Variants in TRPM2 observed in about 807,000 individuals in gnomAD.
The protein encoded by TRPM2 is estrogen-responsive element-associated gene 1 protein.
TRPM2 carries 161 observed loss-of-function variants against 174.0 expected under a neutral mutation model. The ratio of observed to expected loss-of-function variants is 0.93; its 90% confidence interval spans 0.81 to 1.05. The LOEUF is 1.05. Among genes scored for constraint, TRPM2 ranks in the 50% least tolerant of loss-of-function variants. The probability of loss-of-function intolerance (pLI) is 0.00; values close to 1 mark genes in which losing one functional copy is unlikely to be tolerated. For missense variants in TRPM2, 2,057 were observed against 2,038.0 expected (o/e 1.01, Z -0.18); for synonymous variants, 954 against 861.3 (o/e 1.11, Z -1.88).
At chr21:44,407,450 GTTTTTTTT>G (rs71197896) in intron 19 of TRPM2, among the ~76,000 whole-genome samples, 2 of 85,850 alleles carry the variant, frequency 2.3e-5, no homozygotes, top group African/African-American at 4.8e-5. Context: ...CATATAGAAG[GTTTTTTTT>G]TTTTTTTTTT....
At chr21:44,408,276 G>A (rs1269719884) in intron 19 of TRPM2, among the ~76,000 whole-genome samples, 1 of 152,002 alleles carries the variant, frequency 6.6e-6, no homozygotes, top group African/African-American at 2.4e-5. Flanking sequence ...TGTGAATAAC[G>A]TAGCATGAAC....
rs756230239 is a variant in TRPM2 at position 44,390,902 on chromosome 21, A to C, written c.1319-2A>C. On this transcript the variant is annotated splice_acceptor_variant, in intron 9 of 31. Coordinates refer to ENST00000397928, the MANE Select transcript of TRPM2 (RefSeq NM_003307.4). LOFTEE classifies it high-confidence loss of function. ...GCCCAATATGCACCTGTTCATCTGCAGCCTCACGGAGCCAAGACCACTTTG... is the reference window on the plus strand; with the variant it reads ...GCCCAATATGCACCTGTTCATCTGCCGCCTCACGGAGCCAAGACCACTTTG... 6.2e-7 allele frequency: 1 copy of C among 1,614,076 alleles called. No homozygotes were observed. Among genetic ancestry groups the C allele is most frequent in the African/African-American group, 1.3e-5 (1 of 75,062 alleles).
At chr21:44,426,144 C>G in intron 25 of TRPM2, among the ~76,000 whole-genome samples, 1 of 152,012 alleles carries the variant, frequency 6.6e-6, no homozygotes, top group Admixed American at 6.5e-5. Flanking sequence ...AGGTCATGCC[C>G]TGGTCCTAGA....
At position 44,366,449 on chromosome 21, in the gene TRPM2, C is replaced by T. The variant is rs994404812; in HGVS notation, c.424-305C>T. On this transcript the variant is annotated intron_variant, in intron 3 of 31. Transcript: ENST00000397928. This position sits in a 1 kb window ranked among gnomAD's most constrained non-coding sequence, Gnocchi z 6.0. ...TCTGTGCTGGCGCATGTTTGGGAGG[C>T]GCTCCCAAAATCGAGAGGAAGAGGA... Among the ~76,000 whole-genome samples, 4 of 151,922 alleles carry T rather than the reference C, an allele frequency of 2.6e-5. No individual in the cohort carries two copies. The highest frequency in any genetic ancestry group is 3.4e-3 in the Middle Eastern group (1 of 294).
intron 22 of TRPM2, among the ~76,000 whole-genome samples, chr21:44,422,697 A>C (rs1351863126): frequency 1.3e-5 from 2 of 152,222 alleles, no homozygotes; most frequent in Non-Finnish European, 2.9e-5. Context: ...TTTTAACCAT[A>C]AACACAGCAG....
intron 12 of TRPM2, among the ~76,000 whole-genome samples, chr21:44,396,960 G>A (rs1460061280): frequency 6.6e-6 from 1 of 151,036 alleles, no homozygotes; most frequent in Non-Finnish European, 1.5e-5. Context: ...GCTGTGGAGG[G>A]TTGTGGGCGT....
At chr21:44,359,491 A>G (rs893259299) in intron 2 of TRPM2, among the ~76,000 whole-genome samples, 2 of 151,656 alleles carry the variant, frequency 1.3e-5, no homozygotes, top group Non-Finnish European at 2.9e-5. Context: ...ATCCGAGATC[A>G]CACAGTCAAT....
In TRPM2 at chr21:44,365,419, T is replaced by A. The variant is rs542994859; in HGVS notation, c.423+1137T>A. 2.0e-5 allele frequency among the ~76,000 whole-genome samples: 3 copies of A among 152,312 alleles called. No homozygotes were observed. The East Asian group carries it at 5.8e-4, about 29-fold the overall frequency. ...GGGGCAGGTCCCGGAGACGGGGTCA[T>A]GTGGCCCCAGGCTTCCTGGCTGGCA... On this transcript the variant is annotated intron_variant, in intron 3 of 31. Coordinates refer to ENST00000397928, the MANE Select transcript of TRPM2 (RefSeq NM_003307.4).
chr21:44,422,690 T>C (rs2050595235), intron 22 of TRPM2, among the ~76,000 whole-genome samples: 1 of 152,192 alleles, frequency 6.6e-6, no homozygotes, highest in African/African-American at 2.4e-5. Context: ...AGAGTTATTT[T>C]AACCATAAAC....
At chr21:44,365,647 G>T (rs532931442) in intron 3 of TRPM2, among the ~76,000 whole-genome samples, 1 of 152,292 alleles carries the variant, frequency 6.6e-6, no homozygotes, top group South Asian at 2.1e-4. Flanking sequence ...GTCTGAGCCT[G>T]GGGTCTGGCT....
intron 16 of TRPM2, among the ~76,000 whole-genome samples, chr21:44,403,835 A>G (rs1300524616): frequency 6.6e-6 from 1 of 152,102 alleles, no homozygotes; most frequent in Non-Finnish European, 1.5e-5. Flanking sequence ...ACACATGCAT[A>G]CACACATTAC....
chr21:44,400,944 G>A (rs2049597022), intron 15 of TRPM2, among the ~76,000 whole-genome samples: 2 of 152,146 alleles, frequency 1.3e-5, no homozygotes, highest in Admixed American at 1.3e-4. Context: ...GGGTCTCCTG[G>A]GAGTCAGGGC....
intron 9 of TRPM2, 59 bp downstream of exon 9, chr21:44,382,879 C>A: frequency 6.8e-7 from 1 of 1,462,082 alleles, no homozygotes; most frequent in Non-Finnish European, 9.4e-7. Flanking sequence ...GCTCTGAGGA[C>A]GCCAAGTTCT....
intron 19 of TRPM2, among the ~76,000 whole-genome samples, chr21:44,409,170 T>A (rs2146311958): frequency 1.3e-5 from 2 of 152,320 alleles, no homozygotes; most frequent in Middle Eastern, 6.8e-3. Context: ...AACTTATCAA[T>A]CTCTTTGATC....
In TRPM2 at chr21:44,369,351, C is replaced by A. The variant is rs199676109; in HGVS notation, c.771+8C>A. On this transcript the variant is annotated splice_region_variant and intron_variant, in intron 5 of 31. Transcript: ENST00000397928. The stretch of plus-strand genomic sequence containing the variant: ...GGCCTGATCCATCCCACGGTGAGTG[C>A]GGCCCCCTAGGGAGGGGAGCCTAAG... The A allele has an allele frequency of 1.2e-4, 199 of 1,603,330 alleles. No homozygotes were observed. Among genetic ancestry groups the A allele is most frequent in the Middle Eastern group, 1.0e-3 (6 of 5,986 alleles).
At chr21:44,408,680 CAG>C (rs1217485463) in intron 19 of TRPM2, among the ~76,000 whole-genome samples, 1 of 127,388 alleles carries the variant, frequency 7.9e-6, no homozygotes, top group African/African-American at 3.0e-5. Flanking sequence ...TTTTTTCCGA[CAG>C]GGTCTCGCTC....
intron 1 of TRPM2, 99 bp downstream of exon 1, chr21:44,353,964 G>C (rs1453911602): frequency 1.3e-5 from 19 of 1,441,576 alleles, no homozygotes; most frequent in Non-Finnish European, 1.7e-5. Context: ...GGTGGGAAAG[G>C]GTCTGCTGAC....
intron 30 of TRPM2, among the ~76,000 whole-genome samples, chr21:44,440,473 G>A (rs2051458892): frequency 6.6e-6 from 1 of 152,108 alleles, no homozygotes. Flanking sequence ...GGATTTGCCG[G>A]TTCTGGGTGT....
At chr21:44,411,754 G>A (rs1482364130) in intron 19 of TRPM2, among the ~76,000 whole-genome samples, 4 of 152,130 alleles carry the variant, frequency 2.6e-5, no homozygotes, top group Non-Finnish European at 5.9e-5. Context: ...CCTTTATCAG[G>A]TTGAAGAAGT....
Sources: gnomAD v4.1 joint callset for allele counts (sites outside exome capture counted in the v4.1 genomes callset) on GRCh38, gnomAD v4.1.1 for gene constraint, Gnocchi (gnomAD v3.1) non-coding constraint, MANE v1.5 for transcripts, NCBI Gene and HGNC (gene_info 2026-07-23, HGNC 2026-07-21) for gene names.